The following RASAL2 variants were observed in gnomAD, a reference collection of about 807,000 sequenced individuals.
The protein encoded by RASAL2 is ras GTPase-activating protein nGAP.
A neutral mutation model predicts 128.9 loss-of-function variants in RASAL2; 58 were observed. The observed-to-expected ratio is 0.45, with a 90% CI of 0.36 to 0.56. The LOEUF (loss-of-function observed/expected upper bound fraction) is 0.56, where lower values mean the gene tolerates loss of function less well. RASAL2 is among the 20% of genes least tolerant of loss of function. RASAL2 has a pLI of 0.00. For synonymous variants in RASAL2, 561 were observed against 580.8 expected (o/e 0.97, Z 0.49); for missense variants, 1,360 against 1,601.6 (o/e 0.85, Z 2.57).
At chr1:178,120,104 GGCTTGTGTTTTAAC>G (rs1659660780) in intron 1 of RASAL2, among the ~76,000 whole-genome samples, 1 of 152,188 alleles carries the variant, frequency 6.6e-6, no homozygotes, top group Non-Finnish European at 1.5e-5. Flanking sequence ...GAACTCCAAA[GGCTTGTGTTTTAAC>G]GCAGGGCGCT....
intron 3 of RASAL2, among the ~76,000 whole-genome samples, chr1:178,380,163 A>C (rs1282740372): frequency 6.6e-6 from 1 of 152,186 alleles, no homozygotes; most frequent in Non-Finnish European, 1.5e-5. Context: ...TGCTGGGATT[A>C]CAGGCGTGAG....
At chr1:178,467,968 G>C (rs573782388) in intron 17 of RASAL2, among the ~76,000 whole-genome samples, 1 of 152,296 alleles carries the variant, frequency 6.6e-6, no homozygotes, top group Non-Finnish European at 1.5e-5. Flanking sequence ...TTGGTGCTGT[G>C]CTTAGAGAGC....
chr1:178,439,836 A>G (rs1165393234), intron 6 of RASAL2, among the ~76,000 whole-genome samples: 2 of 152,054 alleles, frequency 1.3e-5, no homozygotes, highest in Non-Finnish European at 2.9e-5. Flanking sequence ...CATTTTCATC[A>G]GGGGACAAGA....
intron 13 of RASAL2, 138 bp downstream of exon 13, chr1:178,457,037 C>A (rs1677826534): frequency 2.6e-6 from 2 of 767,862 alleles, no homozygotes; most frequent in Middle Eastern, 3.8e-4. Flanking sequence ...GAGAGCAGTC[C>A]AATTATTTGT....
intron 1 of RASAL2, 27 bp from the exon 2 acceptor site, chr1:178,283,537 C>T: frequency 6.3e-7 from 1 of 1,596,016 alleles, no homozygotes; most frequent in Non-Finnish European, 8.5e-7. Context: ...TGATTTGTCA[C>T]TTTTGTTTTT....
At chr1:178,296,360 T>A (rs1376247849) in intron 2 of RASAL2, among the ~76,000 whole-genome samples, 4 of 151,934 alleles carry the variant, frequency 2.6e-5, no homozygotes, top group Non-Finnish European at 4.4e-5. Flanking sequence ...GTGCTCGGTT[T>A]TGTTTGTTTG....
At chr1:178,115,715 G>A (rs377521037) in intron 1 of RASAL2, among the ~76,000 whole-genome samples, 3 of 152,344 alleles carry the variant, frequency 2.0e-5, no homozygotes, top group African/African-American at 7.2e-5. Context: ...GACCACTCTG[G>A]TTGTGGTGTA....
intron 3 of RASAL2, among the ~76,000 whole-genome samples, chr1:178,320,388 C>T (rs1462842863): frequency 6.6e-6 from 1 of 152,244 alleles, no homozygotes; most frequent in African/African-American, 2.4e-5. Context: ...CACCCTCCCC[C>T]AGCCTCGCTG....
At chr1:178,188,521 G>T (rs987974069) in intron 1 of RASAL2, among the ~76,000 whole-genome samples, 1 of 152,086 alleles carries the variant, frequency 6.6e-6, no homozygotes, top group African/African-American at 2.4e-5. Context: ...CGGTCACTTG[G>T]TCATAATAGG....
intron 1 of RASAL2, among the ~76,000 whole-genome samples, chr1:178,103,712 AT>A (rs1023661901): frequency 6.6e-6 from 1 of 151,696 alleles, no homozygotes. Flanking sequence ...TTTCTTAGTG[AT>A]TTGTAGGAAC....
intron 4 of RASAL2, among the ~76,000 whole-genome samples, chr1:178,418,763 T>C (rs1269887365): frequency 6.6e-6 from 1 of 152,192 alleles, no homozygotes; most frequent in African/African-American, 2.4e-5. Context: ...ATATATCCCT[T>C]CCTCCATTGA....
At chr1:178,279,179 A>G (rs1666662545) in intron 1 of RASAL2, among the ~76,000 whole-genome samples, 1 of 152,086 alleles carries the variant, frequency 6.6e-6, no homozygotes, top group African/African-American at 2.4e-5. Context: ...TTTTTTGAAA[A>G]CCATCTATAT....
Position 178,452,494 on chromosome 1 carries a change from C to T in RASAL2, c.1851C>T (p.Ser617=), listed in dbSNP as rs147872325. 2.3e-3 allele frequency: 3,643 copies of T among 1,614,056 alleles called. 7 individuals carry two copies. The highest frequency in any genetic ancestry group is 2.5e-3 in the Non-Finnish European group (2,999 of 1,179,956). Residue 617 remains serine (S), a synonymous_variant, in exon 11 of 18, where the codon AGC becomes AGT. Transcript: ENST00000367649. ...QCLNRGKQDI[S]ERLISASLFL... is the part of the protein sequence containing the mutation. ...TGAACCGTGGCAAGCAAGACATCAG[C>T]GAGAGGCTCATCAGTGCCTCATTAT...
At chr1:178,423,250 T>C (rs540756495) in intron 5 of RASAL2, among the ~76,000 whole-genome samples, 2 of 152,296 alleles carry the variant, frequency 1.3e-5, no homozygotes, top group South Asian at 4.1e-4. Flanking sequence ...AAAATAGAGA[T>C]GTCATGAACA....
chr1:178,336,025 C>G (rs1669569649), intron 3 of RASAL2, among the ~76,000 whole-genome samples: 1 of 152,004 alleles, frequency 6.6e-6, no homozygotes. Context: ...AGCATGAATT[C>G]TGGCTCTACC....
At chr1:178,329,102 A>G (rs1669173560) in intron 3 of RASAL2, among the ~76,000 whole-genome samples, 1 of 152,232 alleles carries the variant, frequency 6.6e-6, no homozygotes. Flanking sequence ...CAGTACAGTT[A>G]AAAGCCTCTG....
At chr1:178,343,204 G>A (rs529879932) in intron 3 of RASAL2, among the ~76,000 whole-genome samples, 85 of 152,290 alleles carry the variant, frequency 5.6e-4, no homozygotes, top group Admixed American at 2.6e-4. Flanking sequence ...CTGTGTAAGT[G>A]TAGTACTGAC....
intron 1 of RASAL2, among the ~76,000 whole-genome samples, chr1:178,175,668 GT>G (rs71567182): frequency 4.6e-4 from 67 of 145,822 alleles, no homozygotes; most frequent in East Asian, 3.2e-3. Flanking sequence ...CTATATGTAG[GT>G]TTTTTTTTTT....
At chr1:178,442,254 G>C (rs2102845045) in intron 7 of RASAL2, among the ~76,000 whole-genome samples, 1 of 152,196 alleles carries the variant, frequency 6.6e-6, no homozygotes, top group African/African-American at 2.4e-5. Flanking sequence ...TTATTGCCAT[G>C]GTTCTACCAG....
Sources: allele counts gnomAD v4.1 joint callset (sites outside exome capture counted in the v4.1 genomes callset), GRCh38; gene constraint gnomAD v4.1.1; transcripts MANE v1.5; gene names NCBI Gene and HGNC (gene_info 2026-07-23, HGNC 2026-07-21).